Variants in GRID2 observed in about 807,000 individuals in gnomAD.
GRID2 encodes glutamate ionotropic receptor delta type subunit 2, also known as glutamate receptor ionotropic, delta-2.
In GRID2, 33 loss-of-function variants were observed where a neutral mutation model predicts 114.8. The ratio of observed to expected loss-of-function variants is 0.29; its 90% CI spans 0.22 to 0.38. The LOEUF (loss-of-function observed/expected upper bound fraction) is 0.38, where lower values mean the gene tolerates loss of function less well. Ranked by LOEUF, GRID2 falls within the 10% of genes least tolerant of loss-of-function variation. The pLI, the probability that GRID2 is intolerant of heterozygous loss-of-function variation, is 1.00. For missense variants in GRID2, 1,184 were observed against 1,257.7 expected, an observed-to-expected ratio of 0.94 and a Z score of 0.89; for synonymous variants, 505 against 449.9, an observed-to-expected ratio of 1.12 and a Z score of -1.55.
intron 2 of GRID2, among the ~76,000 whole-genome samples, chr4:92,881,967 A>G (rs1746053639): frequency 6.6e-6 from 1 of 152,174 alleles, no homozygotes; most frequent in Admixed American, 6.5e-5. Flanking sequence ...AATTTTCTAT[A>G]CCTTTCAATT....
chr4:92,720,081 G>A (rs1735738487), intron 2 of GRID2, among the ~76,000 whole-genome samples: 5 of 151,970 alleles, frequency 3.3e-5, no homozygotes, highest in Admixed American at 2.6e-4. Context: ...ATATTACTAA[G>A]GTTTTGCATG....
At chr4:92,646,058 C>T (rs1400560176) in intron 2 of GRID2, among the ~76,000 whole-genome samples, 6 of 151,794 alleles carry the variant, frequency 4.0e-5, no homozygotes, top group Admixed American at 2.6e-4. Flanking sequence ...AGACTCCTAC[C>T]GGCTTCGTAG....
chr4:93,548,190 GA>G (rs987611577), intron 13 of GRID2, among the ~76,000 whole-genome samples: 3 of 151,272 alleles, frequency 2.0e-5, no homozygotes, highest in African/African-American at 4.9e-5. Flanking sequence ...TAAAAAAAAA[GA>G]AAAAAAGGAA....
At chr4:92,584,573 T>C (rs1728334076) in intron 1 of GRID2, among the ~76,000 whole-genome samples, 3 of 152,034 alleles carry the variant, frequency 2.0e-5, no homozygotes, top group South Asian at 2.1e-4. Flanking sequence ...AGGAATTAAA[T>C]TTCATGTAAA....
At chr4:92,817,689 G>A (rs558892848) in intron 2 of GRID2, among the ~76,000 whole-genome samples, 1 of 148,210 alleles carries the variant, frequency 6.7e-6, no homozygotes, top group African/African-American at 2.5e-5. Flanking sequence ...GCCTTATGTT[G>A]TTAGATATTT....
intron 2 of GRID2, among the ~76,000 whole-genome samples, chr4:92,785,548 A>G (rs1739282598): frequency 6.6e-6 from 1 of 151,786 alleles, no homozygotes; most frequent in African/African-American, 2.4e-5. Context: ...TTTGAGTGCT[A>G]TCTTTAAAAA....
chr4:92,862,306 G>A (rs1744583543), intron 2 of GRID2, among the ~76,000 whole-genome samples: 1 of 151,910 alleles, frequency 6.6e-6, no homozygotes, highest in African/African-American at 2.4e-5. Flanking sequence ...CAAACTTAAG[G>A]CAATTATGAA....
intron 4 of GRID2, among the ~76,000 whole-genome samples, chr4:93,196,836 A>G (rs1221874675): frequency 6.6e-6 from 1 of 152,136 alleles, no homozygotes; most frequent in East Asian, 1.9e-4. Context: ...AAAGAACAGT[A>G]ACAGATAACT....
At chr4:93,049,342 A>T (rs950943509) in intron 2 of GRID2, among the ~76,000 whole-genome samples, 1 of 152,048 alleles carries the variant, frequency 6.6e-6, no homozygotes, top group Non-Finnish European at 1.5e-5. Context: ...TTTCTAGGAT[A>T]TGTGCACGCA....
At chr4:92,749,223 C>G (rs1737311043) in intron 2 of GRID2, among the ~76,000 whole-genome samples, 1 of 151,446 alleles carries the variant, frequency 6.6e-6, no homozygotes, top group South Asian at 2.1e-4. Flanking sequence ...AGGATGGTCT[C>G]GATCTCTTGA....
At chr4:93,004,041 GC>G (rs986971922) in intron 2 of GRID2, among the ~76,000 whole-genome samples, 1 of 151,812 alleles carries the variant, frequency 6.6e-6, no homozygotes, top group African/African-American at 2.4e-5. Context: ...AAGAAAATAT[GC>G]TTGATTATGG....
chr4:92,853,716 T>A (rs2149425914), intron 2 of GRID2, among the ~76,000 whole-genome samples: 1 of 152,140 alleles, frequency 6.6e-6, no homozygotes, highest in East Asian at 1.9e-4. Flanking sequence ...CATATAAGTC[T>A]GATGAATTAA....
At chr4:92,584,404 G>A (rs1728325703) in intron 1 of GRID2, among the ~76,000 whole-genome samples, 2 of 152,066 alleles carry the variant, frequency 1.3e-5, no homozygotes, top group South Asian at 2.1e-4. Flanking sequence ...GTGAATAGTA[G>A]CATCTAAAAC....
intron 2 of GRID2, among the ~76,000 whole-genome samples, chr4:92,654,530 G>C (rs113823068): frequency 6.6e-6 from 1 of 152,022 alleles, no homozygotes; most frequent in Non-Finnish European, 1.5e-5. Flanking sequence ...GCCAATTTGA[G>C]TCAATAAGAG....
chr4:92,840,739 A>G (rs1222729002), intron 2 of GRID2, among the ~76,000 whole-genome samples: 2 of 152,092 alleles, frequency 1.3e-5, no homozygotes, highest in Non-Finnish European at 2.9e-5. Context: ...CTGAAAACAT[A>G]CTTAGCCTTG....
chr4:92,949,929 C>T (rs572165656), intron 2 of GRID2, among the ~76,000 whole-genome samples: 1 of 152,178 alleles, frequency 6.6e-6, no homozygotes, highest in South Asian at 2.1e-4. Context: ...TGCAATTGGC[C>T]ATCTCCTCTC....
Position 93,075,883 on chromosome 4 carries a change from C to CTCTTTTTTTTTTTTTTTT in GRID2, c.245-9111_245-9110insCTTTTTTTTTTTTTTTTT, listed in dbSNP as rs1490779668. Among the ~76,000 whole-genome samples the CTCTTTTTTTTTTTTTTTT allele has an allele frequency of 2.6e-5, 2 of 76,606 alleles. 1 individual carries two copies. The highest frequency in any genetic ancestry group is 1.1e-4 in the African/African-American group (2 of 18,750). 50.3% of individuals were successfully genotyped at this position (76,606 alleles called of 152,430 possible). ...GTATTGGGATGTCGAAGTTACCTCT[C>CTCTTTTTTTTTTTTTTTT]TTTTTTTTTTTTTTTTTTTTTTTTT... On this transcript the variant is annotated intron_variant, in intron 2 of 15. Transcript: ENST00000282020.
At chr4:93,709,404 A>AT (rs759406721) in intron 14 of GRID2, among the ~76,000 whole-genome samples, 3 of 152,134 alleles carry the variant, frequency 2.0e-5, no homozygotes, top group Admixed American at 1.3e-4. Flanking sequence ...TAAATATGTC[A>AT]TGCCACTCTC....
At chr4:93,508,576 C>T (rs1728876025) in intron 12 of GRID2, among the ~76,000 whole-genome samples, 2 of 152,084 alleles carry the variant, frequency 1.3e-5, no homozygotes, top group African/African-American at 2.4e-5. Context: ...AGTTAAAATG[C>T]TATTATTATG....
Sources: allele counts gnomAD v4.1 joint callset (sites outside exome capture counted in the v4.1 genomes callset), GRCh38; gene constraint gnomAD v4.1.1; transcripts MANE v1.5; gene names NCBI Gene and HGNC (gene_info 2026-07-23, HGNC 2026-07-21).